The following SLC1A5 variants were observed in gnomAD, a reference collection of about 807,000 sequenced individuals.
SLC1A5 encodes the protein solute carrier family 1 member 5, also known as neutral amino acid transporter B(0).
A neutral mutation model predicts 34.9 loss-of-function variants in SLC1A5; 25 were observed. The ratio of observed to expected loss-of-function variants is 0.72; its 90% CI spans 0.52 to 1.00. The LOEUF is 1.00. Among genes scored for constraint, SLC1A5 ranks in the 50% least tolerant of loss-of-function variants. SLC1A5 has a pLI of 0.00. For synonymous variants in SLC1A5, 351 were observed against 341.2 expected, an observed-to-expected ratio of 1.03 and a Z score of -0.32; for missense variants, 637 against 740.0, an observed-to-expected ratio of 0.86 and a Z score of 1.61.
chr19:46,775,582 G>A lies in SLC1A5; in HGVS notation c.1554C>T (p.Asn518=), dbSNP rs953182157. 13 of 1,614,042 alleles carry A rather than the reference G, an allele frequency of 8.1e-6. No individual in the cohort carries two copies. Among genetic ancestry groups the A allele is most frequent in the Non-Finnish European group, 1.1e-5 (13 of 1,180,026 alleles). Residue 518 remains asparagine, a synonymous_variant, in exon 8 of 8, where the codon AAC becomes AAT. Transcript: ENST00000542575. ...DPLPVPTEEG[N]PLLKHYRGPA... Reference sequence around the variant, plus strand: ...GCCCCCGATAGTGTTTGAGGAGGGGGTTTCCTTCCTCAGTGGGGACTGGCA... The same window carrying A: ...GCCCCCGATAGTGTTTGAGGAGGGGATTTCCTTCCTCAGTGGGGACTGGCA...
rs564639315 is a variant in SLC1A5 at position 46,775,295 on chromosome 19, G to A, written c.*215C>T. 62 of 1,324,578 alleles carry A rather than the reference G, an allele frequency of 4.7e-5. No individual in the cohort carries two copies. The East Asian group carries it at 1.8e-3, about 39-fold the overall frequency. 82.1% of individuals were successfully genotyped at this position (1,324,578 alleles called of 1,614,324 possible). On this transcript the variant is annotated 3_prime_UTR_variant, in exon 8 of 8. Transcript: ENST00000542575. Reference sequence around the variant, plus strand: ...TTCTAGCCTTGAGTTGGGGACATGAGTGAGAACTGGGGGTTTTGAGGAGTA... The same window carrying A: ...TTCTAGCCTTGAGTTGGGGACATGAATGAGAACTGGGGGTTTTGAGGAGTA...
At chr19:46,784,879 C>A (rs991660516) in intron 1 of SLC1A5, 1 of 1,361,460 alleles carries the variant, frequency 7.3e-7, no homozygotes, top group Non-Finnish European at 9.4e-7. Flanking sequence ...CCACCCCATG[C>A]AGCAAACTTA....
chr19:46,787,876 G>A lies in SLC1A5; in HGVS notation c.90C>T (p.Asp30=), dbSNP rs774515593. ...NGGLALASIE[D]QGAAAGGYCG... ...AGTAGCCGCCTGCTGCCGCGCCTTG[G>A]TCCTCGATGGAGGCCAGCGCCAGGC... The change falls in exon 1 of 8, where the codon GAC becomes GAT. Residue 30 remains aspartate (D), a synonymous_variant. Transcript: ENST00000542575. The surrounding 1 kb of genome is among the most constrained non-coding windows in gnomAD (Gnocchi z 5.2). 6.4e-7 allele frequency: 1 copy of A among 1,564,086 alleles called. No individual in the cohort carries two copies. The highest frequency in any genetic ancestry group is 8.7e-7 in the Non-Finnish European group (1 of 1,155,362).
At chr19:46,784,059 A>C (rs774533362) in intron 3 of SLC1A5, 38 bp downstream of exon 3, 1 of 1,569,424 alleles carries the variant, frequency 6.4e-7, no homozygotes, top group South Asian at 1.1e-5. Context: ...AGCAATAGGC[A>C]AAGAGGTAGA....
chr19:46,784,613 T>C (rs1378568371), intron 1 of SLC1A5, 54 bp from the exon 2 acceptor site: 5 of 1,613,686 alleles, frequency 3.1e-6, no homozygotes, highest in African/African-American at 1.3e-5. Flanking sequence ...GAGGGCAGCA[T>C]TGTCTGAGAG....
chr19:46,775,917 TA>T (rs78641737), intron 7 of SLC1A5, among the ~76,000 whole-genome samples, 170 bp from the exon 8 acceptor site: 15,783 of 142,834 alleles, frequency 0.11, 1,072 homozygotes, highest in Non-Finnish European at 0.16. Flanking sequence ...TATATATATT[TA>T]AAAAAAAAAA....
chr19:46,787,147 C>T lies in SLC1A5; in HGVS notation c.566+253G>A. On this transcript the variant is annotated intron_variant, in intron 1 of 7. Transcript: ENST00000542575. This position sits in a 1 kb window ranked among gnomAD's most constrained non-coding sequence, Gnocchi z 5.2. ...CCCCTAGGCAGACCCTCCTATGTCT[C>T]CCCAAATCACTTTCTTCTCCCTCTA... 1 of 1,133,254 alleles carries T rather than the reference C, an allele frequency of 8.8e-7. No individual in the cohort carries two copies. The highest frequency in any genetic ancestry group is 3.6e-5 in the Admixed American group (1 of 27,458). 70.2% of individuals were successfully genotyped at this position (1,133,254 alleles called of 1,614,324 possible). A position where few individuals can be genotyped will look rare whatever the true frequency, so the allele number is the denominator to read the frequency against.
intron 1 of SLC1A5, among the ~76,000 whole-genome samples, chr19:46,785,208 G>A (rs1382583967): frequency 2.0e-5 from 3 of 152,024 alleles, no homozygotes; most frequent in South Asian, 2.1e-4. Context: ...TGACGAAACC[G>A]TGTCTCTACA....
intron 1 of SLC1A5, among the ~76,000 whole-genome samples, chr19:46,785,088 A>G (rs1347363220): frequency 1.3e-5 from 2 of 152,174 alleles, no homozygotes; most frequent in Non-Finnish European, 2.9e-5. Flanking sequence ...TAAGATGAAA[A>G]TAGTAGCTAA....
rs767710181 is a variant in SLC1A5, at chr19:46,777,230, C to T, written c.1234G>A (p.Val412Ile). ...AQLSQQSLDFVKIITILVTAT... is the reference protein window; with the variant it reads ...AQLSQQSLDFIKIITILVTAT... The stretch of plus-strand genomic sequence containing the variant: ...ACTCACAGGATGGTGATGATCTTTA[C>T]GAAGTCCAAGGACTGCTGGCTGAGC... Residue 412 changes from valine (V) to isoleucine (I), a missense_variant, in exon 6 of 8, where the codon GTA becomes ATA. Transcript: ENST00000542575. 7 of 1,605,690 alleles carry T rather than the reference C, an allele frequency of 4.4e-6. No individual in the cohort carries two copies. The Admixed American group carries it at 6.8e-5, about 16-fold the overall frequency.
In SLC1A5 at chr19:46,788,089, G is replaced by C; in HGVS notation, c.-124C>G. The C allele has an allele frequency of 2.3e-6, 2 of 883,728 alleles. No individual in the cohort carries two copies. Among genetic ancestry groups the C allele is most frequent in the Non-Finnish European group, 3.4e-6 (2 of 589,256 alleles). The allele number at this position is 883,728 out of a possible 1,614,324, so 54.7% of individuals were successfully genotyped here. On this transcript the variant is annotated 5_prime_UTR_variant, in exon 1 of 8. Coordinates refer to ENST00000542575, the MANE Select transcript of SLC1A5 (RefSeq NM_005628.3). ...GCACCTGGAGACTGGAACTTTGGAG[G>C]GCTCCTTAGAGTTGTGAGTTCACAG...
At chr19:46,780,621 G>A (rs931537669) in intron 4 of SLC1A5, among the ~76,000 whole-genome samples, 3 of 151,356 alleles carry the variant, frequency 2.0e-5, no homozygotes, top group African/African-American at 7.3e-5. Context: ...GCCTCCCAAA[G>A]TGCTGGGATT....
chr19:46,786,951 G>C (rs1273392792), intron 1 of SLC1A5, among the ~76,000 whole-genome samples: 1 of 152,160 alleles, frequency 6.6e-6, no homozygotes, highest in Non-Finnish European at 1.5e-5. Context: ...GGGCTGGGAA[G>C]AGGGCCTGGT....
chr19:46,786,325 G>A (rs558430160), intron 1 of SLC1A5, among the ~76,000 whole-genome samples: 10 of 152,310 alleles, frequency 6.6e-5, no homozygotes, highest in African/African-American at 2.4e-4. Context: ...TGTGTGGCAG[G>A]CCAAGTGTGA....
At chr19:46,782,346 A>ACCCCCCCCCCCCCCCCCCCCCCCCACCC in intron 4 of SLC1A5, 37 bp downstream of exon 4, 1 of 567,986 alleles carries the variant, frequency 1.8e-6, no homozygotes, top group Non-Finnish European at 3.2e-6. Flanking sequence ...CGACCCTCCA[A>ACCCCCCCCCCCCCCCCCCCCCCCCACCC]CCCCACCCAC....
Position 46,787,488 on chromosome 19 carries a change from C to A in SLC1A5, c.478G>T (p.Ala160Ser). The A allele has an allele frequency of 6.3e-7, 1 of 1,586,846 alleles. No individual in the cohort carries two copies. Among genetic ancestry groups the A allele is most frequent in the African/African-American group, 1.3e-5 (1 of 74,594 alleles). The change falls in exon 1 of 8, where the codon GCC (alanine) becomes TCC (serine). Residue 160 changes from alanine (A) to serine (S), a missense_variant. Transcript: ENST00000542575. The surrounding 1 kb of genome is among the most constrained non-coding windows in gnomAD (Gnocchi z 5.2). ...ALALQPGAASAAINASVGAAG... is the reference protein window; with the variant it reads ...ALALQPGAASSAINASVGAAG... The stretch of plus-strand genomic sequence containing the variant: ...GCTCCCACGGAGGCGTTGATGGCGG[C>A]GGAGGCGGCGCCCGGCTGCAGAGCC...
intron 4 of SLC1A5, among the ~76,000 whole-genome samples, chr19:46,780,750 C>T (rs1210401011): frequency 6.6e-6 from 1 of 151,816 alleles, no homozygotes; most frequent in Non-Finnish European, 1.5e-5. Context: ...GAGGGCGGAT[C>T]GCTTGAGGTC....
At chr19:46,778,453 C>T (rs775404285) in intron 5 of SLC1A5, among the ~76,000 whole-genome samples, 1 of 152,078 alleles carries the variant, frequency 6.6e-6, no homozygotes, top group Non-Finnish European at 1.5e-5. Flanking sequence ...AAAAAGAGTG[C>T]CTCCAGGGCC....
Position 46,778,671 on chromosome 19 carries a change from G to T in SLC1A5, c.1058+4C>A. ...TCCCACCCTAGCCCACCCCAAGGCC[G>T]TACCTGGAAGAGGTCCCAAAGGCAG... On this transcript the variant is annotated splice_donor_region_variant and intron_variant, in intron 5 of 7. Transcript: ENST00000542575. 3 of 682,914 alleles carry T rather than the reference G, an allele frequency of 4.4e-6. No individual in the cohort carries two copies. Among genetic ancestry groups the T allele is most frequent in the Non-Finnish European group, 5.1e-6 (2 of 395,702 alleles). The allele number at this position is 682,914 out of a possible 1,614,324, so 42.3% of individuals were successfully genotyped here.
Sources: allele counts gnomAD v4.1 joint callset (sites outside exome capture counted in the v4.1 genomes callset), GRCh38; gene constraint gnomAD v4.1.1; non-coding constraint Gnocchi (gnomAD v3.1); transcripts MANE v1.5; gene names NCBI Gene and HGNC (gene_info 2026-07-23, HGNC 2026-07-21).